Variants in HRK observed in about 807,000 individuals in gnomAD.
HRK encodes the protein harakiri, BCL2 interacting protein, also known as activator of apoptosis harakiri.
Under a neutral mutation model 5.9 loss-of-function variants are expected in HRK, and 6 were observed. That is an observed-to-expected ratio of 1.02 (90% confidence interval 0.56 to 2.01). The LOEUF is 2.01. Ranked by LOEUF, HRK falls within the 30% of genes most tolerant of loss-of-function variation. The pLI is 0.00. For missense variants in HRK, 133 were observed against 128.3 expected (o/e 1.04, Z -0.18); for synonymous variants, 85 against 65.1 (o/e 1.31, Z -1.47).
Position 116,881,061 on chromosome 12 carries a change from C to A in HRK, c.247G>T (p.Ala83Ser). 1.5e-6 allele frequency: 2 copies of A among 1,355,734 alleles called. No homozygotes were observed. The highest frequency in any genetic ancestry group is 1.9e-6 in the Non-Finnish European group (2 of 1,054,364). 84.0% of individuals were successfully genotyped at this position (1,355,734 alleles called of 1,614,324 possible). A position where few individuals can be genotyped will look rare whatever the true frequency, so the allele number is the denominator to read the frequency against. ...AAGTTCCGCCTGCCGAGCAGCCAGGCCGCCAGCGCCGCCACCTGCGCGGCC... is the reference window on the plus strand; with the variant it reads ...AAGTTCCGCCTGCCGAGCAGCCAGGACGCCAGCGCCGCCACCTGCGCGGCC... Reference protein sequence around the residue: ...CAAAQVAALAAWLLGRRNL With the variant: ...CAAAQVAALASWLLGRRNL Residue 83 changes from alanine (A) to serine (S), a missense_variant, in exon 1 of 2, where the codon GCC (alanine) becomes TCC (serine). Ala to Ser is a moderately conservative substitution (Grantham distance 99, BLOSUM62 1). Coordinates refer to ENST00000257572, the MANE Select transcript of HRK (RefSeq NM_003806.4).
rs1879060949 is a variant in HRK, at chr12:116,879,529, C to T, written c.*56+1447G>A. The T allele has an allele frequency of 6.6e-6, 1 of 152,272 alleles. No individual in the cohort carries two copies. Among genetic ancestry groups the T allele is most frequent in the Non-Finnish European group, 1.5e-5 (1 of 68,074 alleles). The allele number at this position is 152,272 out of a possible 1,614,324, so 9.4% of individuals were successfully genotyped here. On this transcript the variant is annotated intron_variant, in intron 1 of 1. Transcript: ENST00000257572. This position sits in a 1 kb window ranked among gnomAD's most constrained non-coding sequence, Gnocchi z 5.6. ...TGGGCAGCCTCAGCCTGGCCCCTTTCAGTCGCGGGAGCCCCTGGCCTCTCC... is the reference window on the plus strand; with the variant it reads ...TGGGCAGCCTCAGCCTGGCCCCTTTTAGTCGCGGGAGCCCCTGGCCTCTCC...
intron 1 of HRK, among the ~76,000 whole-genome samples, chr12:116,870,903 G>A (rs560962741): frequency 1.3e-5 from 2 of 152,202 alleles, no homozygotes; most frequent in South Asian, 4.1e-4. Context: ...TATAATACAA[G>A]AATGCTAACT....
At position 116,858,574 on chromosome 12, in the gene HRK, TCACACACACACACACACACACACACA is replaced by T. The variant is rs55713149; in HGVS notation, c.*2923_*2948del. 1.7e-5 allele frequency: 2 copies of T among 121,150 alleles called. No homozygotes were observed. The highest frequency in any genetic ancestry group is 3.0e-5 in the African/African-American group (1 of 33,428). The allele number at this position is 121,150 out of a possible 1,614,324, so 7.5% of individuals were successfully genotyped here. On this transcript the variant is annotated 3_prime_UTR_variant, in exon 2 of 2. Coordinates refer to ENST00000257572, the MANE Select transcript of HRK (RefSeq NM_003806.4). ...CAGAGGCCTCCCTCTGCTTGTACGG[TCACACACACACACACACACACACACA>T]CACACACACACACACACACACACTG...
chr12:116,881,365 G>A lies in HRK; in HGVS notation c.-58C>T. The A allele has an allele frequency of 2.0e-6, 2 of 1,024,450 alleles. No individual in the cohort carries two copies. Among genetic ancestry groups the A allele is most frequent in the Non-Finnish European group, 2.3e-6 (2 of 856,886 alleles). The allele number at this position is 1,024,450 out of a possible 1,614,324, so 63.5% of individuals were successfully genotyped here. A position where few individuals can be genotyped will look rare whatever the true frequency, so the allele number is the denominator to read the frequency against. On this transcript the variant is annotated 5_prime_UTR_variant, in exon 1 of 2. Transcript: ENST00000257572. The stretch of plus-strand genomic sequence containing the variant: ...GCCGCCCCTCGCCTCCTCTCCCTCC[G>A]GCCTCTGCGCCCGCTGCCGCCGCGC...
chr12:116,860,899 C>T lies in HRK; in HGVS notation c.*624G>A, dbSNP rs891747907. 2 of 152,158 alleles carry T rather than the reference C, an allele frequency of 1.3e-5. No individual in the cohort carries two copies. Among genetic ancestry groups the T allele is most frequent in the Non-Finnish European group, 2.9e-5 (2 of 68,036 alleles). The allele number at this position is 152,158 out of a possible 1,614,324, so 9.4% of individuals were successfully genotyped here. A position where few individuals can be genotyped will look rare whatever the true frequency, so the allele number is the denominator to read the frequency against. ...TGACGTGACAGTGGGATCTAGCGAT[C>T]GACCTAGGTAAGTACAGAGGGAGAG... On this transcript the variant is annotated 3_prime_UTR_variant, in exon 2 of 2. Transcript: ENST00000257572.
At chr12:116,872,556 C>A (rs1351881702) in intron 1 of HRK, among the ~76,000 whole-genome samples, 1 of 151,868 alleles carries the variant, frequency 6.6e-6, no homozygotes, top group African/African-American at 2.4e-5. Flanking sequence ...GGCAGGAGGT[C>A]TTGAGCTCAG....
intron 1 of HRK, among the ~76,000 whole-genome samples, chr12:116,873,364 C>T (rs1239778138): frequency 1.3e-5 from 2 of 152,078 alleles, no homozygotes. Flanking sequence ...TTTTTGTCAT[C>T]AAGAAAAAGT....
Position 116,857,340 on chromosome 12 carries a change from G to A in HRK, c.*4183C>T, listed in dbSNP as rs1273199538. 1 of 152,202 alleles carries A rather than the reference G, an allele frequency of 6.6e-6. No individual in the cohort carries two copies. Among genetic ancestry groups the A allele is most frequent in the Non-Finnish European group, 1.5e-5 (1 of 68,028 alleles). The allele number at this position is 152,202 out of a possible 1,614,324, so 9.4% of individuals were successfully genotyped here. A position where few individuals can be genotyped will look rare whatever the true frequency, so the allele number is the denominator to read the frequency against. On this transcript the variant is annotated 3_prime_UTR_variant, in exon 2 of 2. Transcript: ENST00000257572. ...AGCTTAAGCTTTAAAATGACACTTTGACATCAATTTCCTCCCCTCATGGAA... is the reference window on the plus strand; with the variant it reads ...AGCTTAAGCTTTAAAATGACACTTTAACATCAATTTCCTCCCCTCATGGAA...
rs188843339 is a variant in HRK, at chr12:116,872,244, C to T, written c.*56+8732G>A. On this transcript the variant is annotated intron_variant, in intron 1 of 1. Transcript: ENST00000257572. ...ATTAAGCCAGGTGTGGTGGCAGGCA[C>T]CTGTAATCCCAGCTACTCGGGAGGC... Among the ~76,000 whole-genome samples, 228 of 152,148 alleles carry T rather than the reference C, an allele frequency of 1.5e-3. 1 individual carries two copies. The highest frequency in any genetic ancestry group is 5.2e-3 in the African/African-American group (217 of 41,506).
intron 1 of HRK, among the ~76,000 whole-genome samples, chr12:116,871,631 AT>A (rs201026561): frequency 0.036 from 4,942 of 138,520 alleles, 243 homozygotes; most frequent in African/African-American, 0.12. Flanking sequence ...TATTATTATT[AT>A]TTTTTTTTTT....
Position 116,878,838 on chromosome 12 carries a change from G to C in HRK, c.*56+2138C>G, listed in dbSNP as rs1879032651. Among the ~76,000 whole-genome samples, 1 of 152,206 alleles carries C rather than the reference G, an allele frequency of 6.6e-6. No individual in the cohort carries two copies. Among genetic ancestry groups the C allele is most frequent in the East Asian group, 1.9e-4 (1 of 5,196 alleles). ...CAGGGCGCAGCACGGAAGTAACTCT[G>C]GGGTAGAAGGCGAGGGCGGGGCGGG... is the stretch of plus-strand genomic sequence containing the variant. On this transcript the variant is annotated intron_variant, in intron 1 of 1. Transcript: ENST00000257572. The surrounding 1 kb of genome is among the most constrained non-coding windows in gnomAD (Gnocchi z 4.4).
In HRK at chr12:116,856,167, A is replaced by T. The variant is rs1878136908; in HGVS notation, c.*5356T>A. 1 of 152,202 alleles carries T rather than the reference A, an allele frequency of 6.6e-6. No individual in the cohort carries two copies. Among genetic ancestry groups the T allele is most frequent in the African/African-American group, 2.4e-5 (1 of 41,448 alleles). 9.4% of individuals were successfully genotyped at this position (152,202 alleles called of 1,614,324 possible). A position where few individuals can be genotyped will look rare whatever the true frequency, so the allele number is the denominator to read the frequency against. On this transcript the variant is annotated 3_prime_UTR_variant, in exon 2 of 2. Transcript: ENST00000257572. This position sits in a 1 kb window ranked among gnomAD's most constrained non-coding sequence, Gnocchi z 4.4. Reference sequence around the variant, plus strand: ...GCTAGAAGTGCACAATCAGTTTTTTAATAAAGTCATTACAAATATGTACAA... The same window carrying T: ...GCTAGAAGTGCACAATCAGTTTTTTTATAAAGTCATTACAAATATGTACAA...
chr12:116,866,390 C>CAAA (rs965013066), intron 1 of HRK, among the ~76,000 whole-genome samples: 1,703 of 54,752 alleles, frequency 0.031, 21 homozygotes, highest in Middle Eastern at 0.06. Context: ...GACCCTGTCT[C>CAAA]AAAAAAAAAA....
At chr12:116,876,379 G>T (rs1181489134) in intron 1 of HRK, among the ~76,000 whole-genome samples, 1 of 152,230 alleles carries the variant, frequency 6.6e-6, no homozygotes, top group East Asian at 1.9e-4. Flanking sequence ...TGCGCCTCCA[G>T]GTTTAACCAC....
Position 116,861,144 on chromosome 12 carries a change from T to G in HRK, c.*379A>C, listed in dbSNP as rs762097844. The stretch of plus-strand genomic sequence containing the variant: ...ATCTCTCTTCTGGCGCCCCAGACAT[T>G]ACAGAATATCAAAGTTCACATCGCA... On this transcript the variant is annotated 3_prime_UTR_variant, in exon 2 of 2. Coordinates refer to ENST00000257572, the MANE Select transcript of HRK (RefSeq NM_003806.4). 2.0e-5 allele frequency: 3 copies of G among 152,194 alleles called. No individual in the cohort carries two copies. Among genetic ancestry groups the G allele is most frequent in the Admixed American group, 2.0e-4 (3 of 15,266 alleles). 9.4% of individuals were successfully genotyped at this position (152,194 alleles called of 1,614,324 possible).
chr12:116,857,556 T>C lies in HRK; in HGVS notation c.*3967A>G, dbSNP rs2137239163. 6.6e-6 allele frequency: 1 copy of C among 152,284 alleles called. No homozygotes were observed. The highest frequency in any genetic ancestry group is 2.1e-4 in the South Asian group (1 of 4,820). The allele number at this position is 152,284 out of a possible 1,614,324, so 9.4% of individuals were successfully genotyped here. The stretch of plus-strand genomic sequence containing the variant: ...ATGGTGAGCCACTGTCCCTAAAAGA[T>C]ACTTGTGTAGGAGGTGGGTGGGTGA... On this transcript the variant is annotated 3_prime_UTR_variant, in exon 2 of 2. Coordinates refer to ENST00000257572, the MANE Select transcript of HRK (RefSeq NM_003806.4).
At chr12:116,875,607 G>A (rs549356118) in intron 1 of HRK, among the ~76,000 whole-genome samples, 173 of 152,158 alleles carry the variant, frequency 1.1e-3, no homozygotes, top group South Asian at 1.9e-3. Context: ...ACAGTGGCGC[G>A]ATCTCGGCTC....
chr12:116,872,950 G>GGAGA (rs1555212815), intron 1 of HRK, among the ~76,000 whole-genome samples: 1 of 94,302 alleles, frequency 1.1e-5, no homozygotes, highest in African/African-American at 2.5e-5. Flanking sequence ...GCAGAAAGAA[G>GGAGA]GAAAGAAAAT....
rs183856346 is a variant in HRK at position 116,872,728 on chromosome 12, T to A, written c.*56+8248A>T. On this transcript the variant is annotated intron_variant, in intron 1 of 1. Transcript: ENST00000257572. The stretch of plus-strand genomic sequence containing the variant: ...AGGTTAAGGCTGCAGTGAGCTACGA[T>A]CCTGCTACTGCACTCCAGCCTGGGT... Among the ~76,000 whole-genome samples the A allele has an allele frequency of 1.5e-3, 230 of 152,036 alleles. 1 individual carries two copies. Among genetic ancestry groups the A allele is most frequent in the African/African-American group, 5.3e-3 (219 of 41,468 alleles).
Sources: gnomAD v4.1 joint callset for allele counts (sites outside exome capture counted in the v4.1 genomes callset) on GRCh38, gnomAD v4.1.1 for gene constraint, Gnocchi (gnomAD v3.1) non-coding constraint, MANE v1.5 for transcripts, NCBI Gene and HGNC (gene_info 2026-07-23, HGNC 2026-07-21) for gene names.